SGIP1: variants seen among roughly 807,000 people sequenced by gnomAD.
The protein encoded by SGIP1 is SH3GL interacting endocytic adaptor 1, also known as SH3-containing GRB2-like protein 3-interacting protein 1.
In SGIP1, 38 loss-of-function variants were observed where a neutral mutation model predicts 107.5. That is an observed-to-expected ratio of 0.35 (90% CI 0.27 to 0.46). SGIP1 has a LOEUF of 0.46. SGIP1 is among the 20% of genes least tolerant of loss of function. The pLI, the probability that SGIP1 is intolerant of heterozygous loss-of-function variation, is 1.00. For missense variants in SGIP1, 929 were observed against 1,019.5 expected, an observed-to-expected ratio of 0.91 and a Z score of 1.21; for synonymous variants, 365 against 366.1, an observed-to-expected ratio of 1.00 and a Z score of 0.03.
rs181065787 is a variant in SGIP1, at chr1:66,706,789, G to A, written c.1630+11296G>A. 5.3e-5 allele frequency among the ~76,000 whole-genome samples: 8 copies of A among 152,096 alleles called. No individual in the cohort carries two copies. The East Asian group carries it at 7.7e-4, about 15-fold the overall frequency. ...ATTTTGCATGTGAATGTGAGTCTGC[G>A]TGTGTGCATGTATAGTTTATATTAT... On this transcript the variant is annotated intron_variant, in intron 18 of 24. Coordinates refer to ENST00000371037, the MANE Select transcript of SGIP1 (RefSeq NM_032291.4).
At position 66,541,013 on chromosome 1, in the gene SGIP1, T is replaced by C. The variant is rs934082625; in HGVS notation, c.10+6645T>C. On this transcript the variant is annotated intron_variant, in intron 1 of 24. Coordinates refer to ENST00000371037, the MANE Select transcript of SGIP1 (RefSeq NM_032291.4). ...TTCCTCTCACCTCAGAATATATTCATCCCTGACACACAAATAATTCAAATG... is the reference window on the plus strand; with the variant it reads ...TTCCTCTCACCTCAGAATATATTCACCCCTGACACACAAATAATTCAAATG... Among the ~76,000 whole-genome samples the C allele has an allele frequency of 2.0e-5, 3 of 152,222 alleles. No homozygotes were observed. In the East Asian group the frequency reaches 5.8e-4, roughly 29 times the overall value.
At chr1:66,540,214 T>C (rs564712832) in intron 1 of SGIP1, among the ~76,000 whole-genome samples, 1 of 134,102 alleles carries the variant, frequency 7.5e-6, no homozygotes, top group South Asian at 2.9e-4. Flanking sequence ...GAGAAATAGA[T>C]AATATATATT....
At chr1:66,560,641 A>G (rs2058793668) in intron 1 of SGIP1, among the ~76,000 whole-genome samples, 2 of 152,112 alleles carry the variant, frequency 1.3e-5, no homozygotes, top group Admixed American at 6.6e-5. Context: ...ATAAATTCCT[A>G]TAACAAGAGA....
chr1:66,534,425 A>G, intron 1 of SGIP1, 57 bp downstream of exon 1: 1 of 1,595,018 alleles, frequency 6.3e-7, no homozygotes, highest in East Asian at 2.2e-5. Flanking sequence ...GCAGAACAGC[A>G]TTAAAGAATA....
chr1:66,693,226 T>C (rs1014159245), intron 17 of SGIP1, among the ~76,000 whole-genome samples: 1 of 151,322 alleles, frequency 6.6e-6, no homozygotes, highest in African/African-American at 2.4e-5. Flanking sequence ...CTGGGCAACA[T>C]AGCAAGATTC....
intron 8 of SGIP1, among the ~76,000 whole-genome samples, chr1:66,664,959 TTTGTTGTTG>T (rs543561544): frequency 6.6e-6 from 1 of 151,958 alleles, no homozygotes; most frequent in South Asian, 2.1e-4. Context: ...TTGTTGTGCT[TTTGTTGTTG>T]TTGTTGTTGT....
At chr1:66,652,740 T>C (rs558012262) in intron 7 of SGIP1, among the ~76,000 whole-genome samples, 5 of 151,782 alleles carry the variant, frequency 3.3e-5, no homozygotes, top group African/African-American at 4.8e-5. Flanking sequence ...CAGCACCCCA[T>C]TGAGTTCAGT....
chr1:66,655,942 T>G (rs1415382484), intron 7 of SGIP1, among the ~76,000 whole-genome samples: 3 of 152,086 alleles, frequency 2.0e-5, no homozygotes, highest in Non-Finnish European at 2.9e-5. Flanking sequence ...ACTTCTAAAT[T>G]TTTTAAAATG....
chr1:66,695,282 C>A, intron 17 of SGIP1, 152 bp from the exon 18 acceptor site: 3 of 1,119,484 alleles, frequency 2.7e-6, no homozygotes, highest in East Asian at 4.9e-5. Context: ...GTGTAGATTG[C>A]CAGCCTTCCC....
chr1:66,589,210 A>ATGTGTGTGTGTGTG lies in SGIP1; in HGVS notation c.11-36636_11-36635insGTGTGTGTGTGTGT, dbSNP rs1351093715. Among the ~76,000 whole-genome samples the ATGTGTGTGTGTGTG allele has an allele frequency of 1.3e-4, 9 of 69,006 alleles. 1 individual carries two copies. Among genetic ancestry groups the ATGTGTGTGTGTGTG allele is most frequent in the African/African-American group, 3.2e-4 (6 of 18,516 alleles). 45.3% of individuals were successfully genotyped at this position (69,006 alleles called of 152,430 possible). A position where few individuals can be genotyped will look rare whatever the true frequency, so the allele number is the denominator to read the frequency against. On this transcript the variant is annotated intron_variant, in intron 1 of 24. Coordinates refer to ENST00000371037, the MANE Select transcript of SGIP1 (RefSeq NM_032291.4). ...TATATATATATATATATATATATAT[A>ATGTGTGTGTGTGTG]TATATATGTAAGGCTTGGGGTAAAG...
rs10608231 is a variant in SGIP1 at position 66,690,179 on chromosome 1, TCTC to T, written c.1444-8_1444-6del. 471,917 of 1,611,514 alleles carry T rather than the reference TCTC, an allele frequency of 0.29. 70,255 individuals are homozygous for T. Among genetic ancestry groups the T allele is most frequent in the South Asian group, 0.32 (29,414 of 90,820 alleles). On this transcript the variant is annotated splice_region_variant and splice_polypyrimidine_tract_variant and intron_variant, in intron 16 of 24. Coordinates refer to ENST00000371037, the MANE Select transcript of SGIP1 (RefSeq NM_032291.4). ...GTATCTAACTTTTCATCTCTTTTCT[TCTC>T]CTTACAGTCCAGACCTTTTAGCCCT...
chr1:66,658,822 G>A (rs1442005230), intron 7 of SGIP1, among the ~76,000 whole-genome samples: 5 of 152,160 alleles, frequency 3.3e-5, no homozygotes, highest in Admixed American at 3.3e-4. Context: ...AAAAGGAATG[G>A]GTCACAATCA....
At chr1:66,670,854 C>T (rs6686606) in intron 9 of SGIP1, 141 bp from the exon 10 acceptor site, 63,582 of 408,450 alleles carry the variant, frequency 0.16, 5,614 homozygotes, top group East Asian at 0.27. Flanking sequence ...CAATTTCCTA[C>T]TTAAATGCGG....
chr1:66,601,827 A>G (rs1025856596), intron 1 of SGIP1, among the ~76,000 whole-genome samples: 1 of 152,158 alleles, frequency 6.6e-6, no homozygotes, highest in Admixed American at 6.5e-5. Flanking sequence ...GACCCTGTAA[A>G]TTGATTTCCT....
At chr1:66,726,709 G>A (rs1272679564) in intron 19 of SGIP1, among the ~76,000 whole-genome samples, 1 of 152,182 alleles carries the variant, frequency 6.6e-6, no homozygotes, top group Non-Finnish European at 1.5e-5. Context: ...AAAATGAACT[G>A]AGATCCATAC....
At chr1:66,707,103 C>T (rs927177219) in intron 18 of SGIP1, among the ~76,000 whole-genome samples, 1 of 152,108 alleles carries the variant, frequency 6.6e-6, no homozygotes, top group Non-Finnish European at 1.5e-5. Flanking sequence ...CGCATGGGCA[C>T]ACATACACAC....
At chr1:66,575,382 T>C (rs1373911) in intron 1 of SGIP1, among the ~76,000 whole-genome samples, 104,900 of 152,016 alleles carry the variant, frequency 0.69, 37,435 homozygotes, top group East Asian at 1. Flanking sequence ...CTTGGCCTTA[T>C]GTTTAGATCC....
chr1:66,584,154 C>G (rs1053320174), intron 1 of SGIP1, among the ~76,000 whole-genome samples: 1 of 151,692 alleles, frequency 6.6e-6, no homozygotes, highest in Non-Finnish European at 1.5e-5. Flanking sequence ...AGACTATAAG[C>G]TTCTTGAATT....
chr1:66,606,016 G>A (rs531777221), intron 1 of SGIP1, among the ~76,000 whole-genome samples: 1 of 152,252 alleles, frequency 6.6e-6, no homozygotes, highest in South Asian at 2.1e-4. Context: ...TTCATCTGGG[G>A]AAGATCTGAG....
Sources: allele counts gnomAD v4.1 joint callset (sites outside exome capture counted in the v4.1 genomes callset), GRCh38; gene constraint gnomAD v4.1.1; transcripts MANE v1.5; gene names NCBI Gene and HGNC (gene_info 2026-07-23, HGNC 2026-07-21).